The following GALK2 variants were observed in gnomAD, a reference collection of about 807,000 sequenced individuals.
GALK2 encodes N-acetylgalactosamine kinase.
In GALK2, 36 loss-of-function variants were observed where a neutral mutation model predicts 52.4. The ratio of observed to expected loss-of-function variants is 0.69; its 90% CI spans 0.53 to 0.91. The LOEUF (loss-of-function observed/expected upper bound fraction) is 0.91, where lower values mean the gene tolerates loss of function less well. GALK2 is among the 40% of genes least tolerant of loss of function. The pLI is 0.00. For synonymous variants in GALK2, 176 were observed against 199.1 expected (o/e 0.88, Z 0.98); for missense variants, 579 against 559.1 (o/e 1.04, Z -0.36).
intron 5 of GALK2, among the ~76,000 whole-genome samples, chr15:49,248,180 A>T (rs1171853724): frequency 6.6e-6 from 1 of 152,234 alleles, no homozygotes; most frequent in Non-Finnish European, 1.5e-5. Context: ...GAATAAAGAC[A>T]TGTCTATGTT....
intron 9 of GALK2, among the ~76,000 whole-genome samples, chr15:49,322,212 T>G (rs574982277): frequency 6.6e-6 from 1 of 152,364 alleles, no homozygotes; most frequent in South Asian, 2.1e-4. Context: ...TCATTTTCAT[T>G]TGCTGTATTT....
At chr15:49,307,161 G>A (rs1453994845) in intron 8 of GALK2, among the ~76,000 whole-genome samples, 4 of 152,086 alleles carry the variant, frequency 2.6e-5, no homozygotes, top group Non-Finnish European at 5.9e-5. Context: ...TTGCAGAATC[G>A]GACTGGGTAG....
chr15:49,333,626 G>C (rs919628347), downstream of GALK2, among the ~76,000 whole-genome samples: 5 of 152,160 alleles, frequency 3.3e-5, no homozygotes, highest in Admixed American at 6.5e-5. Flanking sequence ...GAAATTTTCT[G>C]ATGTGACTGG....
chr15:49,179,367 TAAATTAGTATTAAAA>T (rs1270075280), intron 1 of GALK2, among the ~76,000 whole-genome samples: 1 of 152,202 alleles, frequency 6.6e-6, no homozygotes, highest in East Asian at 1.9e-4. Flanking sequence ...CAATTGTTCT[TAAATTAGTATTAAAA>T]ATTAACATTT....
At chr15:49,299,059 T>A (rs113090792) in intron 8 of GALK2, among the ~76,000 whole-genome samples, 66 of 152,254 alleles carry the variant, frequency 4.3e-4, no homozygotes, top group African/African-American at 1.5e-3. Context: ...GTTGGTAGAT[T>A]TTTTATTATT....
At position 49,283,434 on chromosome 15, in the gene GALK2, TGG is replaced by T. The variant is rs1278826704; in HGVS notation, c.604-131_604-130del. 22 of 746,484 alleles carry T rather than the reference TGG, an allele frequency of 2.9e-5. No homozygotes were observed. The East Asian group carries it at 5.7e-4, about 19-fold the overall frequency. 46.2% of individuals were successfully genotyped at this position (746,484 alleles called of 1,614,324 possible). The stretch of plus-strand genomic sequence containing the variant: ...TATTTCCAGTGCCTAGTACAGCGCC[TGG>T]AGGTCAATAAGTAATATTTGAATGA... On this transcript the variant is annotated intron_variant, in intron 6 of 9. Coordinates refer to ENST00000560031, the MANE Select transcript of GALK2 (RefSeq NM_002044.4).
intron 5 of GALK2, among the ~76,000 whole-genome samples, chr15:49,266,924 G>A (rs1031973932): frequency 6.6e-6 from 1 of 152,158 alleles, no homozygotes; most frequent in Admixed American, 6.5e-5. Flanking sequence ...GGTCCATTAC[G>A]ATGAGTTTTA....
intron 3 of GALK2, among the ~76,000 whole-genome samples, chr15:49,361,270 A>G (rs1596532520): frequency 6.6e-6 from 1 of 152,122 alleles, no homozygotes. Context: ...TTTTAGGTTC[A>G]GGGGTACATG....
intron 3 of GALK2, among the ~76,000 whole-genome samples, chr15:49,364,511 G>GA (rs1352013989): frequency 1.3e-5 from 2 of 151,808 alleles, no homozygotes; most frequent in Non-Finnish European, 2.9e-5. Flanking sequence ...CTCTACAGCT[G>GA]AAAAAATGTT....
At chr15:49,303,960 CTGT>C (rs1291643445) in intron 8 of GALK2, among the ~76,000 whole-genome samples, 1 of 152,190 alleles carries the variant, frequency 6.6e-6, no homozygotes, top group African/African-American at 2.4e-5. Context: ...GGATGTATCT[CTGT>C]CTTTCAGGAG....
At chr15:49,266,233 AC>A (rs771476282) in intron 5 of GALK2, among the ~76,000 whole-genome samples, 4 of 152,060 alleles carry the variant, frequency 2.6e-5, no homozygotes, top group African/African-American at 7.2e-5. Context: ...GCTCCAATGT[AC>A]AAGTGCTTTT....
At chr15:49,223,933 G>T (rs2089979674) in intron 3 of GALK2, among the ~76,000 whole-genome samples, 1 of 151,648 alleles carries the variant, frequency 6.6e-6, no homozygotes. Context: ...GGGTTAAATG[G>T]TAGTTCTGTT....
At chr15:49,168,525 C>T (rs1032022722), upstream of GALK2, among the ~76,000 whole-genome samples, 1 of 152,102 alleles carries the variant, frequency 6.6e-6, no homozygotes, top group Non-Finnish European at 1.5e-5. Context: ...TCGAGACCAG[C>T]CTGCCCAGCA....
intron 2 of GALK2, among the ~76,000 whole-genome samples, chr15:49,206,428 T>G (rs1214216123): frequency 6.6e-6 from 1 of 152,068 alleles, no homozygotes; most frequent in Non-Finnish European, 1.5e-5. Flanking sequence ...TATGGTCATT[T>G]TCACAATATT....
At chr15:49,219,787 G>A (rs1015560674) in intron 3 of GALK2, among the ~76,000 whole-genome samples, 1 of 152,098 alleles carries the variant, frequency 6.6e-6, no homozygotes, top group Non-Finnish European at 1.5e-5. Flanking sequence ...CTCCAGCCAG[G>A]GTGACAGAGC....
At chr15:49,322,072 A>C (rs2036920757) in intron 9 of GALK2, among the ~76,000 whole-genome samples, 1 of 152,228 alleles carries the variant, frequency 6.6e-6, no homozygotes, top group African/African-American at 2.4e-5. Flanking sequence ...AGACCTATAC[A>C]TTTAAAAAAT....
chr15:49,359,039 A>G (rs1000464839), intron 3 of GALK2, among the ~76,000 whole-genome samples: 24 of 152,168 alleles, frequency 1.6e-4, no homozygotes, highest in Admixed American at 7.2e-4. Context: ...AGCCATATGT[A>G]TAAAGCTGAA....
chr15:49,231,722 A>G, intron 3 of GALK2, among the ~76,000 whole-genome samples: 1 of 152,360 alleles, frequency 6.6e-6, no homozygotes, highest in East Asian at 1.9e-4. Context: ...AAGGGGCTAC[A>G]GGCCCCATGT....
At chr15:49,210,965 ACACACACT>A (rs773095411) in intron 2 of GALK2, among the ~76,000 whole-genome samples, 20 of 97,158 alleles carry the variant, frequency 2.1e-4, no homozygotes, top group East Asian at 3.4e-4. Context: ...TGTCACACAC[ACACACACT>A]CACACACACA....
Sources: gnomAD v4.1 joint callset for allele counts (sites outside exome capture counted in the v4.1 genomes callset) on GRCh38, gnomAD v4.1.1 for gene constraint, MANE v1.5 for transcripts, NCBI Gene and HGNC (gene_info 2026-07-23, HGNC 2026-07-21) for gene names.